CCDC192: variants seen among roughly 807,000 people sequenced by gnomAD.
CCDC192 encodes the protein coiled-coil domain containing 192, also known as coiled-coil domain-containing protein 192.
chr5:127,776,201 A>G (rs1755848013), intron 3 of CCDC192, among the ~76,000 whole-genome samples: 1 of 152,264 alleles, frequency 6.6e-6, no homozygotes, highest in Non-Finnish European at 1.5e-5. Context: ...TTTGACAAAA[A>G]TGCTAACAAT....
chr5:127,751,686 C>A (rs1459687741), intron 2 of CCDC192, among the ~76,000 whole-genome samples: 1 of 151,980 alleles, frequency 6.6e-6, no homozygotes, highest in African/African-American at 2.4e-5. Context: ...GGGAAATTCT[C>A]CTGGATAATA....
intron 5 of CCDC192, among the ~76,000 whole-genome samples, chr5:127,800,402 C>CAAAAAAAAAAAAAA (rs772597286): frequency 5.7e-5 from 5 of 88,282 alleles, no homozygotes; most frequent in East Asian, 4.6e-4. Context: ...AAAAAAAAAA[C>CAAAAAAAAAAAAAA]AACAACAACA....
rs545334990 is a variant in CCDC192, at chr5:127,791,884, A to G, written c.223-5219A>G. ...CCATTCTTCAGGAAGCCCAGAGAGC[A>G]AATTCCAGACTTACTGGACAAATGA... On this transcript the variant is annotated intron_variant, in intron 3 of 6. Transcript: ENST00000514853. Among the ~76,000 whole-genome samples the G allele has an allele frequency of 9.2e-5, 14 of 152,358 alleles. No individual in the cohort carries two copies. In the South Asian group the frequency reaches 2.9e-3, roughly 32 times the overall value.
At chr5:127,717,542 T>G (rs901091010) in intron 2 of CCDC192, among the ~76,000 whole-genome samples, 4 of 152,160 alleles carry the variant, frequency 2.6e-5, no homozygotes, top group Non-Finnish European at 5.9e-5. Flanking sequence ...TTTCAATTAA[T>G]TTAATTTGAT....
At chr5:127,718,575 A>G (rs1751776037) in intron 2 of CCDC192, among the ~76,000 whole-genome samples, 1 of 152,190 alleles carries the variant, frequency 6.6e-6, no homozygotes, top group Non-Finnish European at 1.5e-5. Context: ...TGGTAATGTG[A>G]AAAAGGGAGA....
chr5:127,711,009 A>G (rs1464477877), intron 2 of CCDC192, among the ~76,000 whole-genome samples: 2 of 152,214 alleles, frequency 1.3e-5, no homozygotes. Flanking sequence ...TTCTGACAGA[A>G]TAGCTAGTGC....
intron 2 of CCDC192, among the ~76,000 whole-genome samples, chr5:127,740,604 T>A (rs975383707): frequency 2.0e-5 from 3 of 152,182 alleles, no homozygotes; most frequent in Non-Finnish European, 2.9e-5. Context: ...ATTAATTTTT[T>A]AAATTTTTTA....
chr5:127,900,600 A>C (rs561408790), intron 6 of CCDC192, among the ~76,000 whole-genome samples: 20 of 152,368 alleles, frequency 1.3e-4, no homozygotes, highest in African/African-American at 4.6e-4. Flanking sequence ...CAGATGCTTA[A>C]ATGAAACTAG....
chr5:127,786,062 G>A (rs1399961713), intron 3 of CCDC192: 1 of 692,496 alleles, frequency 1.4e-6, no homozygotes, highest in Admixed American at 2.2e-5. Context: ...AGGTCATTCT[G>A]GATTCTAGAT....
At chr5:127,741,566 A>G (rs1172856857) in intron 2 of CCDC192, among the ~76,000 whole-genome samples, 1 of 152,186 alleles carries the variant, frequency 6.6e-6, no homozygotes, top group Non-Finnish European at 1.5e-5. Context: ...GAATTCACAG[A>G]TGTTATCAGG....
intron 2 of CCDC192, among the ~76,000 whole-genome samples, chr5:127,735,940 C>T (rs1026033277): frequency 7.8e-6 from 1 of 128,770 alleles, no homozygotes; most frequent in African/African-American, 3.3e-5. Flanking sequence ...TGCCTAATTG[C>T]CCTGGCCAGA....
At chr5:127,825,788 A>T (rs1561509592) in intron 5 of CCDC192, among the ~76,000 whole-genome samples, 1 of 152,270 alleles carries the variant, frequency 6.6e-6, no homozygotes, top group Non-Finnish European at 1.5e-5. Context: ...TCATCAACTA[A>T]ACTTAGCCAC....
At chr5:127,841,935 A>C (rs1001288209) in intron 5 of CCDC192, among the ~76,000 whole-genome samples, 1 of 152,214 alleles carries the variant, frequency 6.6e-6, no homozygotes, top group African/African-American at 2.4e-5. Context: ...TGCAATGATG[A>C]ATGTTGACTA....
intron 6 of CCDC192, chr5:127,940,481 G>A (rs7717705): frequency 0.55 from 82,790 of 151,724 alleles, 24,025 homozygotes; most frequent in East Asian, 0.92. Context: ...ACAGAGTCTC[G>A]CTCTGTCGCC....
At chr5:127,824,586 C>G (rs1749437832) in intron 5 of CCDC192, among the ~76,000 whole-genome samples, 1 of 152,176 alleles carries the variant, frequency 6.6e-6, no homozygotes, top group South Asian at 2.1e-4. Flanking sequence ...TGGAATTTCA[C>G]AGACCCAAGG....
chr5:127,768,060 T>C (rs1755332236), intron 3 of CCDC192, among the ~76,000 whole-genome samples: 1 of 152,052 alleles, frequency 6.6e-6, no homozygotes, highest in Non-Finnish European at 1.5e-5. Flanking sequence ...GAGACCAGCC[T>C]GGCCAACATG....
chr5:127,786,318 A>G (rs2126944289), intron 3 of CCDC192: 2 of 631,892 alleles, frequency 3.2e-6, no homozygotes, highest in South Asian at 1.8e-5. Context: ...TCTCTGTGAC[A>G]TAAAATCTCT....
At chr5:127,710,891 C>T (rs923783214) in intron 2 of CCDC192, among the ~76,000 whole-genome samples, 7 of 152,156 alleles carry the variant, frequency 4.6e-5, no homozygotes, top group Non-Finnish European at 1.0e-4. Context: ...TTTAAATCCA[C>T]TCTCAGGTGC....
At chr5:127,843,164 A>G (rs1392141774) in intron 5 of CCDC192, among the ~76,000 whole-genome samples, 1 of 148,450 alleles carries the variant, frequency 6.7e-6, no homozygotes, top group African/African-American at 2.5e-5. Context: ...CCTCCCGAGT[A>G]GCTGGGATTA....
Sources: allele counts gnomAD v4.1 joint callset (sites outside exome capture counted in the v4.1 genomes callset), GRCh38; gene constraint gnomAD v4.1.1; transcripts MANE v1.5; gene names NCBI Gene and HGNC (gene_info 2026-07-23, HGNC 2026-07-21).